ZNF649: variants seen among roughly 807,000 people sequenced by gnomAD.
The protein encoded by ZNF649 is zinc finger protein 649.
A neutral mutation model predicts 14.1 loss-of-function variants in ZNF649; 7 were observed. That is an observed-to-expected ratio of 0.49 (90% CI 0.28 to 0.93). The LOEUF (loss-of-function observed/expected upper bound fraction) is 0.93, where lower values mean the gene tolerates loss of function less well. ZNF649 is among the 40% of genes least tolerant of loss of function. The probability of loss-of-function intolerance (pLI) is 0.10; values close to 1 mark genes in which losing one functional copy is unlikely to be tolerated. For synonymous variants in ZNF649, 227 were observed against 212.3 expected, an observed-to-expected ratio of 1.07 and a Z score of -0.60; for missense variants, 544 against 608.1, an observed-to-expected ratio of 0.89 and a Z score of 1.11.
At chr19:51,893,383 A>G (rs1219857239) in intron 4 of ZNF649, among the ~76,000 whole-genome samples, 1 of 142,524 alleles carries the variant, frequency 7.0e-6, no homozygotes, top group Non-Finnish European at 1.5e-5. Flanking sequence ...CTGCAAGGCA[A>G]AAAAAAAAAA....
At position 51,890,446 on chromosome 19, in the gene ZNF649, A is replaced by G. The variant is rs1192854663; in HGVS notation, c.*172T>C. ...AACTCTATGATCAAGATAGTAAATG[A>G]AAAACAATATTGTGGGAGGGGTAGT... On this transcript the variant is annotated 3_prime_UTR_variant, in exon 5 of 5. Coordinates refer to ENST00000354957, the MANE Select transcript of ZNF649 (RefSeq NM_023074.4). 2 of 558,162 alleles carry G rather than the reference A, an allele frequency of 3.6e-6. No homozygotes were observed. The highest frequency in any genetic ancestry group is 6.2e-6 in the Non-Finnish European group (2 of 320,728). 34.6% of individuals were successfully genotyped at this position (558,162 alleles called of 1,614,324 possible).
Position 51,890,605 on chromosome 19 carries a change from A to G in ZNF649, c.*13T>C. ...TCCGCTGGAGGCTATATGATCAAAC[A>G]GCAAACTGTTTATCATGAATGCAGG... On this transcript the variant is annotated 3_prime_UTR_variant, in exon 5 of 5. Transcript: ENST00000354957. 6.3e-7 allele frequency: 1 copy of G among 1,575,766 alleles called. No homozygotes were observed. The highest frequency in any genetic ancestry group is 1.1e-5 in the South Asian group (1 of 88,154).
At chr19:51,899,531 T>G (rs2085083421) in intron 2 of ZNF649, among the ~76,000 whole-genome samples, 1 of 152,226 alleles carries the variant, frequency 6.6e-6, no homozygotes, top group African/African-American at 2.4e-5. Flanking sequence ...TAGGCCGCAG[T>G]GCTGTGAGCT....
chr19:51,890,920 C>T lies in ZNF649; in HGVS notation c.1216G>A (p.Asp406Asn), dbSNP rs2085017378. The part of the protein sequence containing the change: ...HSGEKPYKCS[D>N]CGKAFLTKTM... ...TTTGTAAGGAAGGCTTTCCCACAGT[C>T]ACTGCATTTATAGGGTTTCTCTCCT... The change falls in exon 5 of 5, where the codon GAC becomes AAC. Residue 406 changes from aspartate to asparagine, a missense_variant. Physicochemically the swap from Asp to Asn is conservative, Grantham distance 23 (BLOSUM62 1). Coordinates refer to ENST00000354957, the MANE Select transcript of ZNF649 (RefSeq NM_023074.4). 1 of 1,614,044 alleles carries T rather than the reference C, an allele frequency of 6.2e-7. No homozygotes were observed. The highest frequency in any genetic ancestry group is 1.7e-5 in the Admixed American group (1 of 60,024).
intron 2 of ZNF649, chr19:51,897,221 AT>A (rs1286322154): frequency 2.3e-6 from 1 of 429,466 alleles, no homozygotes; most frequent in Non-Finnish European, 4.2e-6. Context: ...TGAGAATACT[AT>A]ATTTTTGATT....
rs189659447 is a variant in ZNF649, at chr19:51,897,500, C to T, written c.16-522G>A. On this transcript the variant is annotated intron_variant, in intron 2 of 4. Coordinates refer to ENST00000354957, the MANE Select transcript of ZNF649 (RefSeq NM_023074.4). ...AACTATATGCTACAGTCATATAGTA[C>T]GTGCAGAATAATCTAGCATGACCCC... Among the ~76,000 whole-genome samples, 1,361 of 152,206 alleles carry T rather than the reference C, an allele frequency of 8.9e-3. 26 individuals are homozygous for T. Among genetic ancestry groups the T allele is most frequent in the African/African-American group, 0.031 (1,272 of 41,540 alleles).
At chr19:51,904,742 G>A (rs2085113780) in intron 1 of ZNF649, among the ~76,000 whole-genome samples, 172 bp downstream of exon 1, 1 of 152,070 alleles carries the variant, frequency 6.6e-6, no homozygotes, top group Admixed American at 6.5e-5. Context: ...CCGAGTCTCA[G>A]TCGCTGAACT....
chr19:51,894,280 G>A (rs1199481974), intron 4 of ZNF649, among the ~76,000 whole-genome samples: 1 of 151,984 alleles, frequency 6.6e-6, no homozygotes, highest in Non-Finnish European at 1.5e-5. Flanking sequence ...TGACAGGCAC[G>A]TGCCACCACG....
chr19:51,889,674 A>T lies in ZNF649; in HGVS notation c.*944T>A. 6.6e-6 allele frequency: 1 copy of T among 152,240 alleles called. No individual in the cohort carries two copies. Among genetic ancestry groups the T allele is most frequent in the Admixed American group, 6.5e-5 (1 of 15,282 alleles). 9.4% of individuals were successfully genotyped at this position (152,240 alleles called of 1,614,324 possible). A position where few individuals can be genotyped will look rare whatever the true frequency, so the allele number is the denominator to read the frequency against. On this transcript the variant is annotated 3_prime_UTR_variant, in exon 5 of 5. Coordinates refer to ENST00000354957, the MANE Select transcript of ZNF649 (RefSeq NM_023074.4). Reference sequence around the variant, plus strand: ...ACTTCAACATGTAAATTTGGAGAGGACATAAATATGCAATCCCTCACAATG... The same window carrying T: ...ACTTCAACATGTAAATTTGGAGAGGTCATAAATATGCAATCCCTCACAATG...
chr19:51,890,602 A>G lies in ZNF649; in HGVS notation c.*16T>C. On this transcript the variant is annotated 3_prime_UTR_variant, in exon 5 of 5. Transcript: ENST00000354957. ...CATTCCGCTGGAGGCTATATGATCA[A>G]ACAGCAAACTGTTTATCATGAATGC... 8 of 1,570,538 alleles carry G rather than the reference A, an allele frequency of 5.1e-6. No homozygotes were observed. Among genetic ancestry groups the G allele is most frequent in the Non-Finnish European group, 7.0e-6 (8 of 1,147,158 alleles).
In ZNF649 at chr19:51,890,899, T is replaced by A. The variant is rs201373903; in HGVS notation, c.1237A>T (p.Thr413Ser). The change falls in exon 5 of 5, where the codon ACA becomes TCA. Residue 413 changes from threonine to serine, a missense_variant. By Grantham distance (58) the Thr-to-Ser change is moderately conservative. Transcript: ENST00000354957. ...TGATGTACAATGAGCATTGTCTTTG[T>A]AAGGAAGGCTTTCCCACAGTCACTG... ...KCSDCGKAFL[T>S]KTMLIVHHRT... 128 of 1,614,122 alleles carry A rather than the reference T, an allele frequency of 7.9e-5. No homozygotes were observed. The highest frequency in any genetic ancestry group is 1.8e-4 in the Admixed American group (11 of 60,008).
intron 4 of ZNF649, chr19:51,896,258 AGAAAT>A (rs766090643): frequency 7.9e-5 from 31 of 394,328 alleles, no homozygotes; most frequent in Non-Finnish European, 1.2e-4. Context: ...ACATCTAAGA[AGAAAT>A]GAATAGGGAT....
intron 1 of ZNF649, among the ~76,000 whole-genome samples, chr19:51,903,195 C>A (rs555820383): frequency 6.6e-6 from 1 of 152,246 alleles, no homozygotes; most frequent in East Asian, 1.9e-4. Context: ...GCTCAAGAAT[C>A]TGTAAGTTCC....
intron 1 of ZNF649, among the ~76,000 whole-genome samples, chr19:51,903,539 C>T (rs761994715): frequency 1.3e-5 from 2 of 152,188 alleles, no homozygotes; most frequent in Non-Finnish European, 2.9e-5. Flanking sequence ...ACAATCATAG[C>T]TAGGCGCGAT....
intron 2 of ZNF649, among the ~76,000 whole-genome samples, chr19:51,899,474 T>C (rs894144604): frequency 2.0e-5 from 3 of 152,192 alleles, no homozygotes; most frequent in African/African-American, 7.2e-5. Context: ...TTTTAGGCAA[T>C]TAGGTTTACT....
intron 1 of ZNF649, among the ~76,000 whole-genome samples, chr19:51,902,676 TGAATCATCAGAATTCTCGATTTG>T (rs555603559): frequency 0.012 from 1,793 of 152,312 alleles, 33 homozygotes; most frequent in African/African-American, 0.04. Context: ...CAGAATCATC[TGAATCATCAGAATTCTCGATTTG>T]GAATCATCAG....
rs138119962 is a variant in ZNF649 at position 51,891,701 on chromosome 19, T to C, written c.435A>G (p.Gln145=). ...DGAFLHDNHE[Q]MPTEIEFPES... ...CAGGGAATTCAATTTCCGTAGGCATTTGTTCATGATTATCATGGAGAAAAG... is the reference window on the plus strand; with the variant it reads ...CAGGGAATTCAATTTCCGTAGGCATCTGTTCATGATTATCATGGAGAAAAG... Residue 145 remains glutamine (Q), a synonymous_variant, in exon 5 of 5, where the codon CAA becomes CAG. Coordinates refer to ENST00000354957, the MANE Select transcript of ZNF649 (RefSeq NM_023074.4). This position sits in a 1 kb window ranked among gnomAD's most constrained non-coding sequence, Gnocchi z 4.2. 373 of 1,613,570 alleles carry C rather than the reference T, an allele frequency of 2.3e-4. 5 individuals carry two copies. The East Asian group carries it at 4.3e-3, about 19-fold the overall frequency.
In ZNF649 at chr19:51,891,450, CTG is replaced by C. The variant is rs1432225568; in HGVS notation, c.684_685del (p.His228GlnfsTer9). The C allele has an allele frequency of 6.2e-7, 1 of 1,613,054 alleles. No homozygotes were observed. The highest frequency in any genetic ancestry group is 2.2e-5 in the East Asian group (1 of 44,860). On this transcript the variant is annotated frameshift_variant, in exon 5 of 5. Coordinates refer to ENST00000354957, the MANE Select transcript of ZNF649 (RefSeq NM_023074.4). LOFTEE classifies it low-confidence loss of function (END_TRUNC). The surrounding 1 kb of genome is among the most constrained non-coding windows in gnomAD (Gnocchi z 4.2). ...GCTACACCCGTGGGGTTTCTCTCCT[CTG>C]TGAGCTCTCTCGTGTTCAGTGAGCC...
intron 4 of ZNF649, 123 bp downstream of exon 4, chr19:51,896,349 G>A (rs1310839611): frequency 1.7e-5 from 13 of 777,604 alleles, no homozygotes; most frequent in Admixed American, 4.4e-5. Flanking sequence ...GTATCCTAGG[G>A]GAGAAGAAGA....
Sources: allele counts gnomAD v4.1 joint callset (sites outside exome capture counted in the v4.1 genomes callset), GRCh38; gene constraint gnomAD v4.1.1; non-coding constraint Gnocchi (gnomAD v3.1); transcripts MANE v1.5; gene names NCBI Gene and HGNC (gene_info 2026-07-23, HGNC 2026-07-21).